TJP1: variants seen among roughly 807,000 people sequenced by gnomAD.
TJP1 encodes the protein tight junction protein 1, also known as tight junction protein ZO-1.
Under a neutral mutation model 194.2 loss-of-function variants are expected in TJP1, and 43 were observed. The observed-to-expected ratio is 0.22, with a 90% confidence interval of 0.17 to 0.29. The LOEUF is 0.29. Among genes scored for constraint, TJP1 ranks in the 10% least tolerant of loss-of-function variants. The probability of loss-of-function intolerance (pLI) is 1.00; values close to 1 mark genes in which losing one functional copy is unlikely to be tolerated. For missense variants in TJP1, 1,971 were observed against 2,185.7 expected (o/e 0.90, Z 1.96); for synonymous variants, 801 against 779.0 (o/e 1.03, Z -0.47).
Position 29,793,957 on chromosome 15 carries a change from G to A in TJP1, c.84+6689C>T, listed in dbSNP as rs117761130. On this transcript the variant is annotated intron_variant, in intron 2 of 27. Transcript: ENST00000614355. ...GCCTGTAGTTTTCTTTTTTTGTTGC[G>A]TCTTTGTCTGGTTTTGGTACCAGGG... Among the ~76,000 whole-genome samples the A allele has an allele frequency of 4.8e-3, 725 of 152,114 alleles. 31 individuals are homozygous for A. In the East Asian group the frequency reaches 0.095, roughly 20 times the overall value.
At chr15:29,790,268 C>A (rs1315768231) in intron 2 of TJP1, among the ~76,000 whole-genome samples, 2 of 152,170 alleles carry the variant, frequency 1.3e-5, no homozygotes, top group Non-Finnish European at 2.9e-5. Context: ...CTTAGAACAC[C>A]AAACAACTAA....
At chr15:29,854,770 C>A (rs936386983) in intron 2 of TJP1, among the ~76,000 whole-genome samples, 42 of 152,098 alleles carry the variant, frequency 2.8e-4, no homozygotes, top group African/African-American at 9.7e-4. Flanking sequence ...GTATGAAAAT[C>A]ACTACTTTAA....
chr15:29,945,617 T>G (rs2055249135), intron 2 of TJP1, among the ~76,000 whole-genome samples: 1 of 152,058 alleles, frequency 6.6e-6, no homozygotes, highest in Non-Finnish European at 1.5e-5. Flanking sequence ...GGAGACTACT[T>G]ACACTGAGCC....
rs531286378 is a variant in TJP1 at position 29,774,594 on chromosome 15, G to A, written c.85-1237C>T. 2.2e-4 allele frequency among the ~76,000 whole-genome samples: 33 copies of A among 151,852 alleles called. No homozygotes were observed. In the South Asian group the frequency reaches 3.7e-3, roughly 17 times the overall value. The stretch of plus-strand genomic sequence containing the variant: ...AAAACCTGAATGGTGGTTGTCTAGG[G>A]CTACAGGGATTGGAGGGGGTGATAA... On this transcript the variant is annotated intron_variant, in intron 2 of 27. Coordinates refer to ENST00000614355, the MANE Select transcript of TJP1 (RefSeq NM_001330239.4).
intron 2 of TJP1, among the ~76,000 whole-genome samples, chr15:29,834,693 G>T (rs1258962137): frequency 1.3e-5 from 2 of 152,202 alleles, no homozygotes; most frequent in African/African-American, 2.4e-5. Flanking sequence ...AAAATTGGTG[G>T]CAGCTTCATT....
At chr15:29,877,044 C>T (rs1326403178) in intron 2 of TJP1, among the ~76,000 whole-genome samples, 1 of 152,180 alleles carries the variant, frequency 6.6e-6, no homozygotes, top group Non-Finnish European at 1.5e-5. Context: ...GTGTAACATG[C>T]CAGTCTGCAT....
chr15:29,788,949 T>C (rs1053099645), intron 2 of TJP1, among the ~76,000 whole-genome samples: 2 of 152,322 alleles, frequency 1.3e-5, no homozygotes, highest in South Asian at 2.1e-4. Flanking sequence ...AGCATCAGAC[T>C]TGTGACTATT....
At chr15:29,951,989 A>T (rs2055766608) in intron 2 of TJP1, among the ~76,000 whole-genome samples, 1 of 152,228 alleles carries the variant, frequency 6.6e-6, no homozygotes, top group Admixed American at 6.5e-5. Context: ...AATTTGTTAA[A>T]TTTTTAAATT....
intron 2 of TJP1, among the ~76,000 whole-genome samples, chr15:29,885,440 C>T (rs907157614): frequency 3.3e-5 from 5 of 152,176 alleles, no homozygotes; most frequent in Admixed American, 6.5e-5. Flanking sequence ...CTGCAGGCTG[C>T]GAGGCTTTGC....
At chr15:29,828,377 A>G (rs1189723915) in intron 2 of TJP1, among the ~76,000 whole-genome samples, 4 of 152,152 alleles carry the variant, frequency 2.6e-5, no homozygotes, top group African/African-American at 9.7e-5. Context: ...GATTATTTCT[A>G]TTATAATGTC....
At position 29,705,710 on chromosome 15, in the gene TJP1, C is replaced by T. The variant is rs781714162; in HGVS notation, c.4886G>A (p.Gly1629Asp). 1.9e-6 allele frequency: 3 copies of T among 1,614,118 alleles called. No individual in the cohort carries two copies. In the South Asian group the frequency reaches 3.3e-5, roughly 18 times the overall value. ...SAVEEDEDEDGHTVVATARGI... is the reference protein window; with the variant it reads ...SAVEEDEDEDDHTVVATARGI... ...TCGGGCTGTGGCCACCACAGTATGA[C>T]CATCTTCATCTTCATCCTCTTCCAC... The change falls in exon 26 of 28, where the codon GGT becomes GAT. Residue 1629 changes from glycine to aspartate, a missense_variant. Transcript: ENST00000614355.
intron 2 of TJP1, among the ~76,000 whole-genome samples, chr15:29,890,234 C>A (rs1415808952): frequency 6.6e-6 from 1 of 152,208 alleles, no homozygotes; most frequent in Non-Finnish European, 1.5e-5. Context: ...TGAGATTTTT[C>A]TCCTGTCATT....
At chr15:29,936,731 C>T (rs924219293) in intron 2 of TJP1, among the ~76,000 whole-genome samples, 4 of 152,154 alleles carry the variant, frequency 2.6e-5, no homozygotes, top group Non-Finnish European at 5.9e-5. Flanking sequence ...TAGGGGTCCC[C>T]GTGCTCCCAA....
intron 1 of TJP1, among the ~76,000 whole-genome samples, chr15:29,961,334 CT>C (rs5811594): frequency 3.9e-4 from 35 of 89,832 alleles, no homozygotes; most frequent in African/African-American, 1.1e-3. Flanking sequence ...TTTCCTAATT[CT>C]TTTTTTTTTT....
chr15:29,938,201 G>A (rs971238762), intron 2 of TJP1, among the ~76,000 whole-genome samples: 1 of 152,220 alleles, frequency 6.6e-6, no homozygotes, highest in African/African-American at 2.4e-5. Flanking sequence ...GTATGGGAAG[G>A]TCGGTGACTG....
chr15:29,886,952 A>C (rs2053134013), intron 2 of TJP1, among the ~76,000 whole-genome samples: 1 of 152,128 alleles, frequency 6.6e-6, no homozygotes, highest in Non-Finnish European at 1.5e-5. Context: ...AAAATTTTGC[A>C]GAAGAGTCCT....
At chr15:29,821,945 G>A in intron 1 of TJP1, 57 bp downstream of exon 1, 2 of 1,207,878 alleles carry the variant, frequency 1.7e-6, no homozygotes, top group Non-Finnish European at 2.1e-6. Flanking sequence ...CCAGATGCCG[G>A]TGGGCGGGCG....
chr15:29,858,317 C>A lies in TJP1; in HGVS notation c.307-57615G>T, dbSNP rs55824425. 8.5e-5 allele frequency among the ~76,000 whole-genome samples: 13 copies of A among 152,080 alleles called. No individual in the cohort carries two copies. In the East Asian group the frequency reaches 2.0e-3, roughly 23 times the overall value. On this transcript the variant is annotated intron_variant, in intron 2 of 28. Coordinates refer to the TJP1 transcript ENST00000356107. ...TCAGGAGGCTGAGGTGGGAGGATAGCTTGAGCCCAGGAGGCAGAGGTTGCA... is the reference window on the plus strand; with the variant it reads ...TCAGGAGGCTGAGGTGGGAGGATAGATTGAGCCCAGGAGGCAGAGGTTGCA...
chr15:29,810,576 T>C (rs1348855815), intron 1 of TJP1, among the ~76,000 whole-genome samples: 1 of 152,162 alleles, frequency 6.6e-6, no homozygotes, highest in Admixed American at 6.5e-5. Context: ...ACATTACCAG[T>C]AAGTGAGTTA....
Sources: allele counts gnomAD v4.1 joint callset (sites outside exome capture counted in the v4.1 genomes callset), GRCh38; gene constraint gnomAD v4.1.1; transcripts MANE v1.5; gene names NCBI Gene and HGNC (gene_info 2026-07-23, HGNC 2026-07-21).